The following KSR2 variants were observed in gnomAD, a reference collection of about 807,000 sequenced individuals.
KSR2 encodes kinase suppressor of ras 2.
In KSR2, 25 loss-of-function variants were observed where a neutral mutation model predicts 107.8. That is an observed-to-expected ratio of 0.23 (90% confidence interval 0.17 to 0.32). The LOEUF (loss-of-function observed/expected upper bound fraction) is 0.32, where lower values mean the gene tolerates loss of function less well. Among genes scored for constraint, KSR2 ranks in the 10% least tolerant of loss-of-function variants. KSR2 has a pLI of 1.00. For missense variants in KSR2, 887 were observed against 1,268.9 expected, an observed-to-expected ratio of 0.70 and a Z score of 4.57; for synonymous variants, 480 against 507.0, an observed-to-expected ratio of 0.95 and a Z score of 0.71.
chr12:117,621,880 C>T (rs540861136), intron 5 of KSR2, among the ~76,000 whole-genome samples: 1 of 152,228 alleles, frequency 6.6e-6, no homozygotes, highest in South Asian at 2.1e-4. Flanking sequence ...CCAACCTCTA[C>T]CACTGTCTCC....
intron 2 of KSR2, among the ~76,000 whole-genome samples, chr12:117,858,996 C>T (rs1893190355): frequency 6.6e-6 from 1 of 152,018 alleles, no homozygotes; most frequent in Non-Finnish European, 1.5e-5. Flanking sequence ...CTCTGGGATC[C>T]CAGGGGGTAA....
rs117792567 is a variant in KSR2, at chr12:117,615,928, G to T, written c.1172-33569C>A. 2.7e-3 allele frequency among the ~76,000 whole-genome samples: 405 copies of T among 152,294 alleles called. 15 individuals are homozygous for T. In the East Asian group the frequency reaches 0.07, roughly 26 times the overall value. ...AGCACTTTGGGAGGCTGAGACAGGT[G>T]GGTCACTTGAGCCCAGAAGTTCGAG... On this transcript the variant is annotated intron_variant, in intron 5 of 19. Coordinates refer to ENST00000339824, the MANE Select transcript of KSR2 (RefSeq NM_173598.6).
chr12:117,603,921 C>G (rs1881091845), intron 5 of KSR2, among the ~76,000 whole-genome samples: 1 of 152,186 alleles, frequency 6.6e-6, no homozygotes, highest in South Asian at 2.1e-4. Context: ...GCTGCTGCCC[C>G]CTCCCTCTGC....
Position 117,584,682 on chromosome 12 carries a change from G to A in KSR2, c.1172-2323C>T, listed in dbSNP as rs12317444. Among the ~76,000 whole-genome samples the A allele has an allele frequency of 8.5e-3, 1,295 of 152,264 alleles. 22 individuals are homozygous for A. Among genetic ancestry groups the A allele is most frequent in the African/African-American group, 0.028 (1,180 of 41,528 alleles). On this transcript the variant is annotated intron_variant, in intron 5 of 19. Coordinates refer to ENST00000339824, the MANE Select transcript of KSR2 (RefSeq NM_173598.6). Reference sequence around the variant, plus strand: ...CTTTCCATCACCACCTCAAAGCATCGTGCCTGAAGCAAAGTACTTAATACA... The same window carrying A: ...CTTTCCATCACCACCTCAAAGCATCATGCCTGAAGCAAAGTACTTAATACA...
chr12:117,668,031 G>T (rs1884741145), intron 4 of KSR2, among the ~76,000 whole-genome samples: 1 of 152,182 alleles, frequency 6.6e-6, no homozygotes. Flanking sequence ...TGGCCAAGCT[G>T]CTCTTTGGCC....
intron 17 of KSR2, among the ~76,000 whole-genome samples, chr12:117,472,942 C>T (rs894024084): frequency 9.9e-5 from 15 of 152,132 alleles, no homozygotes; most frequent in Admixed American, 4.6e-4. Context: ...GTAAAGCACT[C>T]ACCTGTGAGC....
chr12:117,689,485 C>T (rs1347181496), intron 4 of KSR2, among the ~76,000 whole-genome samples: 4 of 152,202 alleles, frequency 2.6e-5, no homozygotes, highest in Admixed American at 6.5e-5. Flanking sequence ...TGCAACTACT[C>T]GATTCTGCCT....
At chr12:117,945,116 C>T (rs1486654568) in intron 1 of KSR2, among the ~76,000 whole-genome samples, 1 of 152,032 alleles carries the variant, frequency 6.6e-6, no homozygotes, top group African/African-American at 2.4e-5. Context: ...TCCACAATTA[C>T]AGTAGGAGAC....
At chr12:117,680,248 C>A (rs1193235358) in intron 4 of KSR2, among the ~76,000 whole-genome samples, 1 of 152,156 alleles carries the variant, frequency 6.6e-6, no homozygotes, top group Non-Finnish European at 1.5e-5. Flanking sequence ...CAGGAACATT[C>A]TTTAATGATC....
At chr12:117,605,507 T>C (rs572643446) in intron 5 of KSR2, among the ~76,000 whole-genome samples, 2 of 152,318 alleles carry the variant, frequency 1.3e-5, no homozygotes, top group African/African-American at 4.8e-5. Context: ...GTATTAAGCC[T>C]AGCATGCATT....
chr12:117,575,526 G>C (rs557218654), intron 7 of KSR2, among the ~76,000 whole-genome samples: 2 of 152,262 alleles, frequency 1.3e-5, no homozygotes, highest in South Asian at 4.1e-4. Context: ...GCCAATCTTT[G>C]AAAACACATA....
chr12:117,639,179 G>A (rs1883243927), intron 5 of KSR2, among the ~76,000 whole-genome samples: 1 of 151,932 alleles, frequency 6.6e-6, no homozygotes. Flanking sequence ...TGCATCCAAG[G>A]CAAGCCTTTA....
chr12:117,811,183 C>T (rs922031078), intron 3 of KSR2, among the ~76,000 whole-genome samples: 1 of 152,068 alleles, frequency 6.6e-6, no homozygotes, highest in African/African-American at 2.4e-5. Context: ...TGACTTCTGC[C>T]CTCCTGGCCC....
intron 12 of KSR2, among the ~76,000 whole-genome samples, chr12:117,528,431 C>T (rs1006719457): frequency 6.6e-6 from 1 of 152,162 alleles, no homozygotes; most frequent in African/African-American, 2.4e-5. Flanking sequence ...TTCCTATTTC[C>T]CCAGTAGATT....
intron 4 of KSR2, among the ~76,000 whole-genome samples, chr12:117,708,731 A>G (rs531755811): frequency 6.2e-4 from 95 of 152,290 alleles, no homozygotes; most frequent in African/African-American, 2.3e-3. Flanking sequence ...ACAGTACTAA[A>G]GGGTCATTCC....
chr12:117,506,841 GTA>G lies in KSR2; in HGVS notation c.2219+18009_2219+18010del, dbSNP rs1295504552. Among the ~76,000 whole-genome samples the G allele has an allele frequency of 3.1e-4, 47 of 152,022 alleles. 1 individual carries two copies. The East Asian group carries it at 7.8e-3, about 25-fold the overall frequency. On this transcript the variant is annotated intron_variant, in intron 14 of 19. Transcript: ENST00000339824. Reference sequence around the variant, plus strand: ...TAGATAGATAGATTTATTTATATATGTATGTGTGTGTGTGTGTATATATATGT... The same window carrying G: ...TAGATAGATAGATTTATTTATATATGTGTGTGTGTGTGTGTATATATATGT...
At chr12:117,871,974 G>C (rs573776604) in intron 1 of KSR2, among the ~76,000 whole-genome samples, 1 of 152,082 alleles carries the variant, frequency 6.6e-6, no homozygotes. Context: ...CTATAAGCCT[G>C]AATTACCTAT....
At chr12:117,862,195 A>G (rs2084724332) in intron 1 of KSR2, among the ~76,000 whole-genome samples, 1 of 152,054 alleles carries the variant, frequency 6.6e-6, no homozygotes, top group South Asian at 2.1e-4. Flanking sequence ...CAAAGTAGCT[A>G]GGACTACAGG....
rs1884703428 is a variant in KSR2 at position 117,667,455 on chromosome 12, G to T, written c.1171+19C>A. 6.2e-7 allele frequency: 1 copy of T among 1,603,368 alleles called. No individual in the cohort carries two copies. The highest frequency in any genetic ancestry group is 8.5e-7 in the Non-Finnish European group (1 of 1,175,544). ...TGGCATGGCAAGCGTTCCCAGTGCA[G>T]CCCGGCAGGGTGACTTACTTGCAGA... is the stretch of plus-strand genomic sequence containing the variant. On this transcript the variant is annotated intron_variant, in intron 5 of 19. Coordinates refer to ENST00000339824, the MANE Select transcript of KSR2 (RefSeq NM_173598.6).
Sources: allele counts gnomAD v4.1 joint callset (sites outside exome capture counted in the v4.1 genomes callset), GRCh38; gene constraint gnomAD v4.1.1; transcripts MANE v1.5; gene names NCBI Gene and HGNC (gene_info 2026-07-23, HGNC 2026-07-21).